Variants in GRM5 observed in about 807,000 individuals in gnomAD.
The protein encoded by GRM5 is metabotropic glutamate receptor 5.
In GRM5, 19 loss-of-function variants were observed where a neutral mutation model predicts 83.1. The observed-to-expected ratio is 0.23, with a 90% CI of 0.16 to 0.34. The LOEUF (loss-of-function observed/expected upper bound fraction) is 0.34. Among genes scored for constraint, GRM5 ranks in the 10% least tolerant of loss-of-function variants. The pLI, the probability that GRM5 is intolerant of heterozygous loss-of-function variation, is 1.00. For missense variants in GRM5, 1,160 were observed against 1,588.3 expected, an observed-to-expected ratio of 0.73 and a Z score of 4.58; for synonymous variants, 675 against 633.6, an observed-to-expected ratio of 1.07 and a Z score of -0.98.
At chr11:88,815,572 C>G (rs1943661179) in intron 3 of GRM5, among the ~76,000 whole-genome samples, 1 of 152,206 alleles carries the variant, frequency 6.6e-6, no homozygotes, top group Non-Finnish European at 1.5e-5. Flanking sequence ...GATTGGTCAT[C>G]TGCATCTGGT....
chr11:88,511,885 A>C (rs926699306), intron 9 of GRM5: 6 of 152,222 alleles, frequency 3.9e-5, no homozygotes, highest in Admixed American at 3.3e-4. Flanking sequence ...GAAAGGTACA[A>C]GTATTATTTC....
intron 3 of GRM5, among the ~76,000 whole-genome samples, chr11:88,775,629 G>A (rs570586389): frequency 1.3e-5 from 2 of 152,210 alleles, no homozygotes; most frequent in Middle Eastern, 3.4e-3. Context: ...CAGAGATTCT[G>A]GTATGTTGTG....
intron 1 of GRM5, among the ~76,000 whole-genome samples, chr11:89,054,794 T>C (rs1311286245): frequency 6.6e-6 from 1 of 152,160 alleles, no homozygotes; most frequent in East Asian, 1.9e-4. Flanking sequence ...TTTGATTTTC[T>C]CAAGAAATAT....
intron 2 of GRM5, among the ~76,000 whole-genome samples, chr11:88,929,635 T>C (rs2135644357): frequency 6.6e-6 from 1 of 152,284 alleles, no homozygotes; most frequent in Admixed American, 6.5e-5. Flanking sequence ...TATTTTATTA[T>C]CTTGTAAACT....
At position 88,708,935 on chromosome 11, in the gene GRM5, G is replaced by A. The variant is rs550501893; in HGVS notation, c.912-55532C>T. On this transcript the variant is annotated intron_variant, in intron 3 of 9. Transcript: ENST00000305447. ...AGAAGTGAGTGATTAAACACTTGTC[G>A]GCAAAAGGTCTAATGGCAGAAGGAA... Among the ~76,000 whole-genome samples, 3 of 152,156 alleles carry A rather than the reference G, an allele frequency of 2.0e-5. No homozygotes were observed. In the South Asian group the frequency reaches 6.2e-4, roughly 32 times the overall value.
At chr11:88,919,078 AC>A (rs1945643313) in intron 2 of GRM5, among the ~76,000 whole-genome samples, 1 of 149,508 alleles carries the variant, frequency 6.7e-6, no homozygotes, top group East Asian at 2.0e-4. Flanking sequence ...TAGGCTAAAC[AC>A]TCCAATAAAA....
At chr11:89,054,133 G>C (rs1941821904) in intron 1 of GRM5, among the ~76,000 whole-genome samples, 1 of 152,184 alleles carries the variant, frequency 6.6e-6, no homozygotes, top group Admixed American at 6.6e-5. Context: ...AAAATGAAGA[G>C]AAAATTAGGA....
At chr11:88,843,367 G>A (rs1944238216) in intron 3 of GRM5, among the ~76,000 whole-genome samples, 1 of 151,372 alleles carries the variant, frequency 6.6e-6, no homozygotes, top group Non-Finnish European at 1.5e-5. Flanking sequence ...GATCAAATCA[G>A]GGTAATAAAC....
At chr11:88,719,694 G>T (rs145304762) in intron 3 of GRM5, among the ~76,000 whole-genome samples, 76 of 152,024 alleles carry the variant, frequency 5.0e-4, no homozygotes, top group Middle Eastern at 3.4e-3. Context: ...AGTGTATAAG[G>T]GTTCCCTTTT....
intron 3 of GRM5, among the ~76,000 whole-genome samples, chr11:88,793,027 T>C (rs1943205882): frequency 6.6e-6 from 1 of 152,098 alleles, no homozygotes; most frequent in Admixed American, 6.6e-5. Flanking sequence ...TGATACTATT[T>C]AGAGTATAGC....
chr11:88,805,507 C>T (rs1385905807), intron 3 of GRM5, among the ~76,000 whole-genome samples: 3 of 150,356 alleles, frequency 2.0e-5, no homozygotes, highest in Admixed American at 6.6e-5. Flanking sequence ...TTATTAAAAA[C>T]AGAAAATATT....
Position 88,717,699 on chromosome 11 carries a change from A to G in GRM5, c.912-64296T>C, listed in dbSNP as rs117135140. Among the ~76,000 whole-genome samples the G allele has an allele frequency of 1.9e-3, 284 of 151,932 alleles. 2 individuals carry two copies. In the Middle Eastern group the frequency reaches 0.024, roughly 13 times the overall value. On this transcript the variant is annotated intron_variant, in intron 3 of 9. Transcript: ENST00000305447. ...AGGCATGAGAAAATGTCCATAGCAC[A>G]AGAGTAAGGGTGTATGACACATATC...
At chr11:88,927,280 T>C (rs1326796817) in intron 2 of GRM5, among the ~76,000 whole-genome samples, 4 of 152,098 alleles carry the variant, frequency 2.6e-5, no homozygotes, top group Non-Finnish European at 5.9e-5. Flanking sequence ...AATTTAAAAT[T>C]AAAGCCTTTG....
chr11:88,531,727 G>C (rs7946223), intron 8 of GRM5, among the ~76,000 whole-genome samples: 2 of 152,036 alleles, frequency 1.3e-5, no homozygotes, highest in Non-Finnish European at 2.9e-5. Context: ...AAAGCTAAAG[G>C]CACCAGAGGC....
At chr11:89,062,725 G>A (rs531427756) in intron 1 of GRM5, among the ~76,000 whole-genome samples, 84 of 152,348 alleles carry the variant, frequency 5.5e-4, no homozygotes, top group Non-Finnish European at 9.8e-4. Context: ...GTAAATTCGA[G>A]TACCAGGTGA....
At chr11:88,836,603 C>T (rs1944099311) in intron 3 of GRM5, among the ~76,000 whole-genome samples, 1 of 151,938 alleles carries the variant, frequency 6.6e-6, no homozygotes, top group Non-Finnish European at 1.5e-5. Context: ...ACCAACGTGG[C>T]CAAGATGGCA....
Position 88,608,980 on chromosome 11 carries a change from G to T in GRM5, c.1148-4016C>A, listed in dbSNP as rs553514244. ...TCTCCCTAATCCTACACTAATACTA[G>T]TCCTAACCATTTTCTTCCTCTTACT... On this transcript the variant is annotated intron_variant, in intron 4 of 9. Coordinates refer to ENST00000305447, the MANE Select transcript of GRM5 (RefSeq NM_001143831.3). 2.0e-5 allele frequency among the ~76,000 whole-genome samples: 3 copies of T among 152,116 alleles called. No individual in the cohort carries two copies. In the South Asian group the frequency reaches 6.2e-4, roughly 32 times the overall value.
In GRM5 at chr11:88,567,028, C is replaced by T; in HGVS notation, c.2630+25G>A. On this transcript the variant is annotated intron_variant, in intron 8 of 9. Transcript: ENST00000305447. The surrounding 1 kb of genome is among the most constrained non-coding windows in gnomAD (Gnocchi z 7.3). ...CTGCTCCAGTTTTAGGGGCCAGCAT[C>T]CCTGTAAGCCCCCACAACTTTTACC... The T allele has an allele frequency of 7.0e-7, 1 of 1,433,742 alleles. No individual in the cohort carries two copies. Among genetic ancestry groups the T allele is most frequent in the Non-Finnish European group, 9.6e-7 (1 of 1,041,662 alleles). 88.8% of individuals were successfully genotyped at this position (1,433,742 alleles called of 1,614,324 possible).
At chr11:88,587,943 T>C (rs192598736) in intron 7 of GRM5, among the ~76,000 whole-genome samples, 4 of 152,304 alleles carry the variant, frequency 2.6e-5, no homozygotes, top group Admixed American at 2.0e-4. Context: ...TACATGCTTT[T>C]CTCTTGTTAG....
Sources: allele counts gnomAD v4.1 joint callset (sites outside exome capture counted in the v4.1 genomes callset), GRCh38; gene constraint gnomAD v4.1.1; non-coding constraint Gnocchi (gnomAD v3.1); transcripts MANE v1.5; gene names NCBI Gene and HGNC (gene_info 2026-07-23, HGNC 2026-07-21).